TBC1D8: variants seen among roughly 807,000 people sequenced by gnomAD.
TBC1D8 encodes TBC1 domain family member 8.
In TBC1D8, 65 loss-of-function variants were observed where a neutral mutation model predicts 118.8. That is an observed-to-expected ratio of 0.55 (90% CI 0.45 to 0.67). TBC1D8 has a LOEUF of 0.67. Among genes scored for constraint, TBC1D8 ranks in the 30% least tolerant of loss-of-function variants. The pLI is 0.00. For missense variants in TBC1D8, 1,376 were observed against 1,471.2 expected, an observed-to-expected ratio of 0.94 and a Z score of 1.06; for synonymous variants, 566 against 595.8, an observed-to-expected ratio of 0.95 and a Z score of 0.73.
intron 2 of TBC1D8, among the ~76,000 whole-genome samples, chr2:101,079,389 C>T (rs1675096839): frequency 6.6e-6 from 1 of 152,062 alleles, no homozygotes; most frequent in Non-Finnish European, 1.5e-5. Context: ...GGGTTTTATT[C>T]ATGTATTTAT....
intron 9 of TBC1D8, 34 bp from the exon 10 acceptor site, chr2:101,033,792 G>T (rs755590103): frequency 6.3e-7 from 1 of 1,591,814 alleles, no homozygotes. Flanking sequence ...AAGGGGGAAT[G>T]ATTACTAGGA....
At chr2:101,009,313 G>A (rs1678998712) in intron 19 of TBC1D8, among the ~76,000 whole-genome samples, 1 of 151,934 alleles carries the variant, frequency 6.6e-6, no homozygotes, top group South Asian at 2.1e-4. Flanking sequence ...AGCTGAGGCA[G>A]GAGAATGGCA....
In TBC1D8 at chr2:101,043,319, G is replaced by A. The variant is rs545970536; in HGVS notation, c.873-2934C>T. On this transcript the variant is annotated intron_variant, in intron 5 of 19. Transcript: ENST00000409318. ...GCAAGGCCCCTCAAGAGGACCCCAA[G>A]TTCCCCAAGCTGACTATGTCTGGTG... 5.3e-5 allele frequency among the ~76,000 whole-genome samples: 8 copies of A among 152,296 alleles called. No individual in the cohort carries two copies. The South Asian group carries it at 1.4e-3, about 28-fold the overall frequency.
chr2:101,096,533 CAG>C (rs1238907280), intron 1 of TBC1D8, among the ~76,000 whole-genome samples: 1 of 147,498 alleles, frequency 6.8e-6, no homozygotes, highest in Non-Finnish European at 1.5e-5. Context: ...AATTATCAGA[CAG>C]AATTTAAAAT....
At chr2:101,063,089 C>A (rs1231710693) in intron 2 of TBC1D8, among the ~76,000 whole-genome samples, 1 of 152,170 alleles carries the variant, frequency 6.6e-6, no homozygotes, top group Non-Finnish European at 1.5e-5. Context: ...TTTCGGACGA[C>A]CTGATACAGG....
intron 1 of TBC1D8, among the ~76,000 whole-genome samples, chr2:101,140,760 C>CTT (rs34909669): frequency 1.5e-5 from 2 of 131,270 alleles, no homozygotes; most frequent in Admixed American, 8.1e-5. Context: ...TATATTACTA[C>CTT]TTTTTTTTTT....
chr2:101,018,049 C>A (rs546308943), intron 17 of TBC1D8: 202 of 980,020 alleles, frequency 2.1e-4, no homozygotes, highest in Admixed American at 5.3e-4. Context: ...TTTTCACTGA[C>A]AAATGTAATG....
Position 101,008,211 on chromosome 2 carries a change from A to T in TBC1D8, c.3078T>A (p.Asn1026Lys), listed in dbSNP as rs1223811284. The change falls in exon 20 of 20, where the codon AAT (asparagine) becomes AAA (lysine). Residue 1026 changes from asparagine (N) to lysine (K), a missense_variant. Physicochemically the swap from Asn to Lys is moderately conservative, Grantham distance 94 (BLOSUM62 0). Transcript: ENST00000409318. ...CTGTGGCGATGGCTTGATACAAATCATTTTCTTCTGGATCTTCATGGAACA... is the reference window on the plus strand; with the variant it reads ...CTGTGGCGATGGCTTGATACAAATCTTTTTCTTCTGGATCTTCATGGAACA... Reference protein sequence around the residue: ...YSMFHEDPEENDLYQAIATVT... With the variant: ...YSMFHEDPEEKDLYQAIATVT... 2 of 1,604,880 alleles carry T rather than the reference A, an allele frequency of 1.2e-6. No individual in the cohort carries two copies. Among genetic ancestry groups the T allele is most frequent in the Non-Finnish European group, 1.7e-6 (2 of 1,175,402 alleles).
chr2:101,032,690 GACAC>G (rs897915061), intron 10 of TBC1D8: 6 of 312,226 alleles, frequency 1.9e-5, no homozygotes, highest in Admixed American at 8.8e-5. Flanking sequence ...TGTTCAAGCA[GACAC>G]ACACATGCAC....
At chr2:101,139,240 C>T (rs1474125009) in intron 1 of TBC1D8, among the ~76,000 whole-genome samples, 6 of 151,702 alleles carry the variant, frequency 4.0e-5, no homozygotes, top group African/African-American at 1.5e-4. Flanking sequence ...GCAGCTTGGC[C>T]CCAAATCTAC....
chr2:101,056,059 G>A (rs1407905033), intron 3 of TBC1D8, among the ~76,000 whole-genome samples: 2 of 148,270 alleles, frequency 1.3e-5, no homozygotes, highest in Non-Finnish European at 3.0e-5. Flanking sequence ...TTTTTTGGTA[G>A]GTATGTCTCA....
In TBC1D8 at chr2:101,040,254, A is replaced by G; in HGVS notation, c.1004T>C (p.Met335Thr). 1 of 1,614,034 alleles carries G rather than the reference A, an allele frequency of 6.2e-7. No homozygotes were observed. The highest frequency in any genetic ancestry group is 8.5e-7 in the Non-Finnish European group (1 of 1,179,900). Residue 335 changes from methionine to threonine, a missense_variant, in exon 6 of 20, where the codon ATG (methionine) becomes ACG (threonine). Physicochemically the swap from Met to Thr is moderately conservative, Grantham distance 81. Coordinates refer to ENST00000409318, the MANE Select transcript of TBC1D8 (RefSeq NM_001330348.2). ...PFSRCHTTGRMFASDSYICFA... is the reference protein window; with the variant it reads ...PFSRCHTTGRTFASDSYICFA... ...GCAGATGTAGCTGTCAGAGGCGAAC[A>G]TCCGCCCCGTGGTGTGACAGCGACT...
intron 2 of TBC1D8, among the ~76,000 whole-genome samples, chr2:101,073,714 G>A (rs866523452): frequency 2.0e-5 from 3 of 152,198 alleles, no homozygotes; most frequent in African/African-American, 7.2e-5. Flanking sequence ...GCTTCACCTT[G>A]TACTTTTATG....
At chr2:101,136,096 C>T (rs902396838) in intron 1 of TBC1D8, among the ~76,000 whole-genome samples, 5 of 152,064 alleles carry the variant, frequency 3.3e-5, no homozygotes, top group Non-Finnish European at 7.3e-5. Flanking sequence ...TCAAGTGATC[C>T]GGCAGCCTCT....
At chr2:101,140,854 C>T (rs192872260) in intron 1 of TBC1D8, among the ~76,000 whole-genome samples, 53 of 151,568 alleles carry the variant, frequency 3.5e-4, no homozygotes, top group African/African-American at 1.1e-3. Flanking sequence ...CCTCCGTCTC[C>T]GGGTTCAAGC....
intron 1 of TBC1D8, among the ~76,000 whole-genome samples, chr2:101,130,180 G>A (rs1678532870): frequency 6.6e-6 from 1 of 152,174 alleles, no homozygotes. Flanking sequence ...TTTTAACTAA[G>A]AAAATGAGTC....
intron 1 of TBC1D8, among the ~76,000 whole-genome samples, chr2:101,147,132 T>G (rs903006415): frequency 2.6e-5 from 4 of 152,182 alleles, no homozygotes; most frequent in African/African-American, 4.8e-5. Flanking sequence ...CAAGACCATG[T>G]TGTCGCAAAT....
At chr2:101,027,033 G>C (rs1422380770) in intron 15 of TBC1D8, among the ~76,000 whole-genome samples, 2 of 152,160 alleles carry the variant, frequency 1.3e-5, no homozygotes, top group Non-Finnish European at 2.9e-5. Flanking sequence ...TTTCAAAAAG[G>C]GTCACCGCAG....
chr2:101,058,101 C>A (rs1316021533), intron 3 of TBC1D8, among the ~76,000 whole-genome samples: 1 of 152,150 alleles, frequency 6.6e-6, no homozygotes, highest in African/African-American at 2.4e-5. Flanking sequence ...GTAGCTACCC[C>A]AGTATGATCT....
Sources: gnomAD v4.1 joint callset for allele counts (sites outside exome capture counted in the v4.1 genomes callset) on GRCh38, gnomAD v4.1.1 for gene constraint, MANE v1.5 for transcripts, NCBI Gene and HGNC (gene_info 2026-07-23, HGNC 2026-07-21) for gene names.